Variants in GPBP1 observed in about 807,000 individuals in gnomAD.
The protein encoded by GPBP1 is GC-rich promoter binding protein 1, also known as vasculin.
Under a neutral mutation model 56.5 loss-of-function variants are expected in GPBP1, and 13 were observed. The observed-to-expected ratio is 0.23, with a 90% CI of 0.15 to 0.37. The LOEUF is 0.37. GPBP1 is among the 10% of genes least tolerant of loss of function. GPBP1 has a pLI of 1.00. For missense variants in GPBP1, 477 were observed against 572.3 expected (o/e 0.83, Z 1.70); for synonymous variants, 204 against 188.9 (o/e 1.08, Z -0.66).
intron 3 of GPBP1, among the ~76,000 whole-genome samples, chr5:57,216,609 C>G (rs191133071): frequency 6.6e-6 from 1 of 151,838 alleles, no homozygotes; most frequent in Non-Finnish European, 1.5e-5. Flanking sequence ...TCACTTGAAC[C>G]CGGGAGGTAG....
Position 57,264,499 on chromosome 5 carries a change from G to C in GPBP1, c.*1747G>C, listed in dbSNP as rs1265736216. Reference sequence around the variant, plus strand: ...TTACATTTGAGATCCACCTTACTGTGTTTTCTACTTTCAGAAAAGATTCTG... The same window carrying C: ...TTACATTTGAGATCCACCTTACTGTCTTTTCTACTTTCAGAAAAGATTCTG... On this transcript the variant is annotated 3_prime_UTR_variant, in exon 12 of 12. Transcript: ENST00000506184. 2.6e-5 allele frequency: 4 copies of C among 152,116 alleles called. No individual in the cohort carries two copies. The highest frequency in any genetic ancestry group is 6.5e-5 in the Admixed American group (1 of 15,278). The allele number at this position is 152,116 out of a possible 1,614,324, so 9.4% of individuals were successfully genotyped here.
At chr5:57,199,762 C>T (rs1403575324) in intron 2 of GPBP1, among the ~76,000 whole-genome samples, 19 of 152,046 alleles carry the variant, frequency 1.2e-4, no homozygotes, top group Admixed American at 9.8e-4. Flanking sequence ...AAATACTTCC[C>T]TTGCCTGCTG....
intron 6 of GPBP1, among the ~76,000 whole-genome samples, chr5:57,240,284 T>C (rs1740763606): frequency 6.6e-6 from 1 of 152,102 alleles, no homozygotes; most frequent in African/African-American, 2.4e-5. Context: ...TTAATTCAGA[T>C]ACTGATTACC....
Position 57,245,336 on chromosome 5 carries a change from T to C in GPBP1, c.479-964T>C, listed in dbSNP as rs1741042118. ...GGCTTTATCTTTTGGAGAGCTTGAA[T>C]CCTCCCATGAACTGGAGAGTCCCTC... is the stretch of plus-strand genomic sequence containing the variant. On this transcript the variant is annotated intron_variant, in intron 6 of 11. Transcript: ENST00000506184. 3 of 152,184 alleles carry C rather than the reference T, an allele frequency of 2.0e-5. No homozygotes were observed. In the South Asian group the frequency reaches 6.2e-4, roughly 32 times the overall value. 9.4% of individuals were successfully genotyped at this position (152,184 alleles called of 1,614,324 possible). A position where few individuals can be genotyped will look rare whatever the true frequency, so the allele number is the denominator to read the frequency against.
intron 11 of GPBP1, among the ~76,000 whole-genome samples, chr5:57,261,763 C>G (rs183942537): frequency 9.1e-4 from 138 of 152,230 alleles, no homozygotes; most frequent in Non-Finnish European, 1.8e-3. Context: ...CCTTTTCTTG[C>G]ACAAGAGTAT....
rs1252131558 is a variant in GPBP1, at chr5:57,176,032, C to T, written c.-426C>T. On this transcript the variant is annotated 5_prime_UTR_variant, in exon 2 of 12. Transcript: ENST00000506184. ...AGTATTGAGATAGCTATGTGTGTCT[C>T]TGTATATGCTGATGTTTAGGAATGC... The T allele has an allele frequency of 5.0e-6, 2 of 398,304 alleles. No homozygotes were observed. Among genetic ancestry groups the T allele is most frequent in the Non-Finnish European group, 8.8e-6 (2 of 226,024 alleles). The allele number at this position is 398,304 out of a possible 1,614,324, so 24.7% of individuals were successfully genotyped here.
In GPBP1 at chr5:57,219,851, G is replaced by A. The variant is rs1033811286; in HGVS notation, c.63+5658G>A. On this transcript the variant is annotated intron_variant, in intron 3 of 11. Transcript: ENST00000506184. ...GGGGATCACCTGAGGTTGGGAGTTC[G>A]AGACCAGCTGGACCAACGTGGAAAA... Among the ~76,000 whole-genome samples, 9 of 152,102 alleles carry A rather than the reference G, an allele frequency of 5.9e-5. No individual in the cohort carries two copies. In the East Asian group the frequency reaches 1.6e-3, roughly 26 times the overall value.
In GPBP1 at chr5:57,231,080, T is replaced by C. The variant is rs773845437; in HGVS notation, c.188-18T>C. Reference sequence around the variant, plus strand: ...TCTCTTCTTTGAATTTATATTACTTTGCTATTATCAAATAAAGGTAACTTT... The same window carrying C: ...TCTCTTCTTTGAATTTATATTACTTCGCTATTATCAAATAAAGGTAACTTT... On this transcript the variant is annotated intron_variant, in intron 4 of 11. Coordinates refer to ENST00000506184, the MANE Select transcript of GPBP1 (RefSeq NM_022913.4). 6.2e-6 allele frequency: 10 copies of C among 1,601,506 alleles called. No homozygotes were observed. Among genetic ancestry groups the C allele is most frequent in the Non-Finnish European group, 6.8e-6 (8 of 1,172,030 alleles).
intron 2 of GPBP1, among the ~76,000 whole-genome samples, chr5:57,192,181 G>T (rs1579985691): frequency 1.3e-5 from 2 of 152,166 alleles, no homozygotes; most frequent in Non-Finnish European, 1.5e-5. Flanking sequence ...TGGAACACTG[G>T]CTAGGTTGAA....
intron 3 of GPBP1, among the ~76,000 whole-genome samples, chr5:57,221,700 ATTTTT>A: frequency 6.6e-6 from 1 of 152,282 alleles, no homozygotes; most frequent in East Asian, 1.9e-4. Context: ...TAATAGTAGC[ATTTTT>A]TGATTCTTTT....
chr5:57,209,043 T>C (rs978609580), intron 2 of GPBP1, among the ~76,000 whole-genome samples: 3 of 152,188 alleles, frequency 2.0e-5, no homozygotes, highest in African/African-American at 7.2e-5. Context: ...TTTTCTTGGT[T>C]ATATTTATTT....
chr5:57,182,190 G>A (rs576034410), intron 2 of GPBP1, among the ~76,000 whole-genome samples: 6 of 150,640 alleles, frequency 4.0e-5, no homozygotes, highest in African/African-American at 1.5e-4. Flanking sequence ...CTCAAGTGCT[G>A]CTTCTGCCTC....
At chr5:57,188,742 C>CA (rs919714725) in intron 2 of GPBP1, among the ~76,000 whole-genome samples, 20 of 151,692 alleles carry the variant, frequency 1.3e-4, no homozygotes, top group Admixed American at 3.9e-4. Flanking sequence ...GACATTGTCT[C>CA]AAAAAAAATA....
At chr5:57,198,361 C>A (rs1754856464) in intron 2 of GPBP1, among the ~76,000 whole-genome samples, 1 of 152,036 alleles carries the variant, frequency 6.6e-6, no homozygotes, top group African/African-American at 2.4e-5. Flanking sequence ...CTTTATTATT[C>A]TTTAACTCCT....
At chr5:57,251,258 C>G in intron 10 of GPBP1, 117 bp downstream of exon 10, 1 of 869,620 alleles carries the variant, frequency 1.1e-6, no homozygotes, top group Non-Finnish European at 1.8e-6. Flanking sequence ...ATAAATTTCA[C>G]CCATTATGAT....
At chr5:57,252,133 C>G (rs1194835801) in intron 10 of GPBP1, among the ~76,000 whole-genome samples, 3 of 131,930 alleles carry the variant, frequency 2.3e-5, no homozygotes, top group Non-Finnish European at 4.9e-5. Context: ...CCACCCACCC[C>G]CACCCCCACC....
At chr5:57,227,712 A>G (rs1295980400) in intron 3 of GPBP1, among the ~76,000 whole-genome samples, 2 of 152,208 alleles carry the variant, frequency 1.3e-5, no homozygotes, top group Non-Finnish European at 2.9e-5. Context: ...ACCAGTGCCA[A>G]CATCACGCTT....
chr5:57,212,060 C>T (rs1015487587), intron 2 of GPBP1, among the ~76,000 whole-genome samples: 8 of 152,084 alleles, frequency 5.3e-5, no homozygotes, highest in African/African-American at 1.9e-4. Flanking sequence ...CGTCAGCCCC[C>T]TGAGAAGCTG....
chr5:57,218,026 G>C (rs1484978935), intron 3 of GPBP1, among the ~76,000 whole-genome samples: 2 of 151,334 alleles, frequency 1.3e-5, no homozygotes, highest in Non-Finnish European at 2.9e-5. Flanking sequence ...ATTCCTATAG[G>C]TGTTTTGACT....
Sources: allele counts gnomAD v4.1 joint callset (sites outside exome capture counted in the v4.1 genomes callset), GRCh38; gene constraint gnomAD v4.1.1; transcripts MANE v1.5; gene names NCBI Gene and HGNC (gene_info 2026-07-23, HGNC 2026-07-21).